ANKRD45: variants seen among roughly 807,000 people sequenced by gnomAD.
ANKRD45 encodes ankyrin repeat domain-containing protein 45.
A neutral mutation model predicts 28.1 loss-of-function variants in ANKRD45; 21 were observed. The observed-to-expected ratio is 0.75, with a 90% CI of 0.53 to 1.08. The LOEUF is 1.08. Among genes scored for constraint, ANKRD45 ranks in the 50% least tolerant of loss-of-function variants. The pLI is 0.00. For missense variants in ANKRD45, 261 were observed against 308.7 expected (o/e 0.85, Z 1.16); for synonymous variants, 86 against 103.9 (o/e 0.83, Z 1.05).
chr1:173,624,731 T>A, intron 5 of ANKRD45, 56 bp downstream of exon 5: 1 of 1,535,176 alleles, frequency 6.5e-7, no homozygotes, highest in Non-Finnish European at 8.9e-7. Flanking sequence ...AATAACAACA[T>A]TGAACTTAAT....
At chr1:173,691,837 A>G in the ANKRD45 span, among the ~76,000 whole-genome samples, 1 of 152,192 alleles carries the variant, frequency 6.6e-6, no homozygotes, top group Non-Finnish European at 1.5e-5. Context: ...AGATGGAGCA[A>G]TGGTGAGCGC....
the ANKRD45 span, among the ~76,000 whole-genome samples, chr1:173,678,729 T>G: frequency 2.0e-5 from 3 of 152,032 alleles, no homozygotes; most frequent in African/African-American, 7.2e-5. Context: ...GAGAAAGAAA[T>G]AAAGTGTATT....
At chr1:173,663,263 T>C (rs181401913) in intron 1 of ANKRD45, among the ~76,000 whole-genome samples, 4 of 152,282 alleles carry the variant, frequency 2.6e-5, no homozygotes, top group Non-Finnish European at 5.9e-5. Flanking sequence ...TCCTGCGATC[T>C]TGAATCTTGA....
Position 173,628,146 on chromosome 1 carries a change from G to A in ANKRD45, c.497-987C>T, listed in dbSNP as rs150347156. 4.9e-4 allele frequency among the ~76,000 whole-genome samples: 75 copies of A among 151,788 alleles called. 1 individual carries two copies. In the East Asian group the frequency reaches 8.3e-3, roughly 17 times the overall value. ...ATGATACCTAGGCAGTACTCACCAC[G>A]GACCTTGGGTGAGACTCAGAGCCAT... On this transcript the variant is annotated intron_variant, in intron 3 of 5. Transcript: ENST00000333279.
chr1:173,671,855 A>G (rs1156962047), upstream of ANKRD45, among the ~76,000 whole-genome samples: 1 of 150,126 alleles, frequency 6.7e-6, no homozygotes, highest in African/African-American at 2.5e-5. Flanking sequence ...GCCCTCCAGC[A>G]TGGGTGACAG....
chr1:173,623,918 A>G (rs1357338536), intron 5 of ANKRD45, among the ~76,000 whole-genome samples: 1 of 131,954 alleles, frequency 7.6e-6, no homozygotes, highest in Non-Finnish European at 1.6e-5. Context: ...ATGAGAACAC[A>G]TGGACACATG....
chr1:173,676,834 CAAAAA>C, the ANKRD45 span, among the ~76,000 whole-genome samples: 2 of 98,806 alleles, frequency 2.0e-5, no homozygotes, highest in Non-Finnish European at 4.3e-5. Context: ...GACTCCATCT[CAAAAA>C]AAAAAAAAAA....
upstream of ANKRD45, among the ~76,000 whole-genome samples, chr1:173,671,881 CAAAAAAA>C (rs1174957908): frequency 1.1e-5 from 1 of 92,732 alleles, no homozygotes; most frequent in Non-Finnish European, 2.3e-5. Context: ...GACTCCGTCT[CAAAAAAA>C]AAAAAAAAAG....
the ANKRD45 span, among the ~76,000 whole-genome samples, chr1:173,701,191 A>G: frequency 5.3e-5 from 8 of 152,238 alleles, no homozygotes; most frequent in Non-Finnish European, 8.8e-5. Context: ...GAGGGTGTGG[A>G]GAAATTGGAA....
intron 5 of ANKRD45, among the ~76,000 whole-genome samples, chr1:173,620,512 A>G (rs1355361628): frequency 6.6e-6 from 1 of 152,196 alleles, no homozygotes; most frequent in Non-Finnish European, 1.5e-5. Context: ...AAAGACCTCA[A>G]ATTAACAACC....
At chr1:173,625,971 A>T (rs948702016) in intron 4 of ANKRD45, among the ~76,000 whole-genome samples, 1 of 152,190 alleles carries the variant, frequency 6.6e-6, no homozygotes, top group Non-Finnish European at 1.5e-5. Context: ...TTTAAAAATT[A>T]AATTAAGAAT....
chr1:173,702,520 C>A, the ANKRD45 span, among the ~76,000 whole-genome samples: 40 of 151,756 alleles, frequency 2.6e-4, no homozygotes, highest in African/African-American at 8.7e-4. Context: ...AGGGAGAAGG[C>A]AAAGGAAGAT....
intron 4 of ANKRD45, among the ~76,000 whole-genome samples, chr1:173,625,498 A>C (rs1667893233): frequency 2.6e-5 from 4 of 152,176 alleles, no homozygotes. Flanking sequence ...AAATTATCTC[A>C]TCGCACATAT....
In ANKRD45 at chr1:173,608,715, T is replaced by G. The variant is rs1042515827; in HGVS notation, c.*1430A>C. ...TGAGCTATGATCATGATAACTCCAC[T>G]GCATTCCAGCCTGGGCAGGAGAGGC... On this transcript the variant is annotated 3_prime_UTR_variant, in exon 6 of 6. Coordinates refer to ENST00000333279, the MANE Select transcript of ANKRD45 (RefSeq NM_198493.3). Among the ~76,000 whole-genome samples the G allele has an allele frequency of 6.0e-5, 9 of 149,758 alleles. No homozygotes were observed. Among genetic ancestry groups the G allele is most frequent in the African/African-American group, 2.0e-4 (8 of 40,306 alleles).
intron 3 of ANKRD45, among the ~76,000 whole-genome samples, chr1:173,636,585 A>G (rs1668454067): frequency 6.6e-6 from 1 of 152,188 alleles, no homozygotes; most frequent in Non-Finnish European, 1.5e-5. Context: ...AGGACACACT[A>G]ATTGTTTGCT....
At chr1:173,613,122 C>A (rs1460298101) in intron 5 of ANKRD45, among the ~76,000 whole-genome samples, 1 of 151,780 alleles carries the variant, frequency 6.6e-6, no homozygotes, top group African/African-American at 2.4e-5. Context: ...CTCTTCCCGG[C>A]CGCCATCCTG....
chr1:173,652,271 T>C (rs983527269), intron 2 of ANKRD45, among the ~76,000 whole-genome samples: 1 of 152,230 alleles, frequency 6.6e-6, no homozygotes, highest in South Asian at 2.1e-4. Flanking sequence ...ATACATTCCA[T>C]CAATAACTAG....
At chr1:173,696,151 T>C in the ANKRD45 span, among the ~76,000 whole-genome samples, 2 of 152,156 alleles carry the variant, frequency 1.3e-5, no homozygotes, top group Non-Finnish European at 2.9e-5. Flanking sequence ...ACTGCCAACA[T>C]GTGATGTCTC....
intron 2 of ANKRD45, among the ~76,000 whole-genome samples, chr1:173,653,856 C>T (rs1669359175): frequency 1.3e-5 from 2 of 151,686 alleles, no homozygotes. Flanking sequence ...TATGTAATAG[C>T]CTTATCTCTT....
Sources: gnomAD v4.1 joint callset for allele counts (sites outside exome capture counted in the v4.1 genomes callset) on GRCh38, gnomAD v4.1.1 for gene constraint, MANE v1.5 for transcripts, NCBI Gene and HGNC (gene_info 2026-07-23, HGNC 2026-07-21) for gene names.